Variants in PATJ observed in about 807,000 individuals in gnomAD.
PATJ encodes the protein inaD-like protein.
Under a neutral mutation model 224.9 loss-of-function variants are expected in PATJ, and 190 were observed. That is an observed-to-expected ratio of 0.84 (90% confidence interval 0.75 to 0.95). The LOEUF is 0.95. Ranked by LOEUF, PATJ falls within the 40% of genes least tolerant of loss-of-function variation. The pLI is 0.00. For synonymous variants in PATJ, 769 were observed against 820.3 expected (o/e 0.94, Z 1.07); for missense variants, 2,121 against 2,270.3 (o/e 0.93, Z 1.34).
At chr1:61,950,316 G>A (rs1679459190) in intron 27 of PATJ, among the ~76,000 whole-genome samples, 1 of 152,180 alleles carries the variant, frequency 6.6e-6, no homozygotes, top group African/African-American at 2.4e-5. Flanking sequence ...TTTACGTTGA[G>A]GAGGCTGAGA....
At chr1:62,112,795 A>G (rs986078057) in intron 34 of PATJ, among the ~76,000 whole-genome samples, 2 of 152,148 alleles carry the variant, frequency 1.3e-5, no homozygotes, top group Non-Finnish European at 2.9e-5. Flanking sequence ...CTCATATCAA[A>G]TTTACTAACC....
chr1:61,780,547 A>G (rs1647193560), intron 7 of PATJ, among the ~76,000 whole-genome samples: 1 of 152,186 alleles, frequency 6.6e-6, no homozygotes, highest in African/African-American at 2.4e-5. Flanking sequence ...AATTTTTATA[A>G]CCTGGAAATA....
At chr1:62,038,518 C>T in intron 30 of PATJ, 1 of 159,964 alleles carries the variant, frequency 6.3e-6, no homozygotes. Context: ...CAGTTTGTGT[C>T]CCCAGCTGAG....
chr1:62,127,847 A>T (rs1665884365), intron 39 of PATJ, 125 bp from the exon 40 acceptor site: 2 of 848,714 alleles, frequency 2.4e-6, no homozygotes, highest in Admixed American at 2.7e-5. Context: ...TCCACATTTA[A>T]CTCCTATGTT....
intron 27 of PATJ, among the ~76,000 whole-genome samples, chr1:61,966,189 C>T (rs558358602): frequency 8.2e-4 from 125 of 152,246 alleles, no homozygotes; most frequent in Middle Eastern, 3.4e-3. Flanking sequence ...CGTGAGCCAC[C>T]GCACCTGGTC....
At chr1:61,997,995 TATA>T (rs1254918671) in intron 28 of PATJ, among the ~76,000 whole-genome samples, 1 of 110,512 alleles carries the variant, frequency 9.0e-6, no homozygotes, top group Non-Finnish European at 1.8e-5. Flanking sequence ...TATATGTATA[TATA>T]ATATATTATA....
At chr1:61,781,133 T>TTTG (rs1647252502) in intron 7 of PATJ, among the ~76,000 whole-genome samples, 1 of 152,212 alleles carries the variant, frequency 6.6e-6, no homozygotes, top group Non-Finnish European at 1.5e-5. Context: ...ATTGAGCCCG[T>TTTG]ACCTGTTTGA....
At chr1:61,860,659 C>G (rs1664398325) in intron 18 of PATJ, among the ~76,000 whole-genome samples, 1 of 152,052 alleles carries the variant, frequency 6.6e-6, no homozygotes. Flanking sequence ...AACCTCGTCT[C>G]TACTAAAAAT....
intron 21 of PATJ, among the ~76,000 whole-genome samples, chr1:61,875,967 T>C (rs1048284595): frequency 1.3e-5 from 2 of 152,180 alleles, no homozygotes; most frequent in African/African-American, 4.8e-5. Context: ...ATTATAAAAT[T>C]GACATCCCTA....
chr1:61,785,119 T>G (rs1375505204), intron 7 of PATJ, among the ~76,000 whole-genome samples: 1 of 152,216 alleles, frequency 6.6e-6, no homozygotes, highest in Middle Eastern at 3.2e-3. Flanking sequence ...TTTAAAAAAC[T>G]TCTTCCTTCA....
intron 40 of PATJ, chr1:62,128,531 C>T (rs182831789): frequency 7.9e-5 from 25 of 316,866 alleles, no homozygotes; most frequent in Non-Finnish European, 8.2e-5. Flanking sequence ...CTTTATTGAA[C>T]GGTTGATGTG....
At position 61,798,374 on chromosome 1, in the gene PATJ, T is replaced by C. The variant is rs570717236; in HGVS notation, c.1402+946T>C. 1.2e-4 allele frequency among the ~76,000 whole-genome samples: 19 copies of C among 152,032 alleles called. No individual in the cohort carries two copies. The East Asian group carries it at 3.7e-3, about 30-fold the overall frequency. ...ATACCCAGATAATTTATTTTTATTTTTTTTGTAGAGATGGGGTCTCTCCTG... is the reference window on the plus strand; with the variant it reads ...ATACCCAGATAATTTATTTTTATTTCTTTTGTAGAGATGGGGTCTCTCCTG... On this transcript the variant is annotated intron_variant, in intron 11 of 43. Transcript: ENST00000642238.
Position 62,086,686 on chromosome 1 carries a change from C to T in PATJ, c.4377+2038C>T, listed in dbSNP as rs1295141885. Among the ~76,000 whole-genome samples, 2 of 152,130 alleles carry T rather than the reference C, an allele frequency of 1.3e-5. No homozygotes were observed. Among genetic ancestry groups the T allele is most frequent in the Non-Finnish European group, 2.9e-5 (2 of 68,024 alleles). On this transcript the variant is annotated intron_variant, in intron 33 of 43. Transcript: ENST00000642238. The surrounding 1 kb of genome is among the most constrained non-coding windows in gnomAD (Gnocchi z 4.0). Reference sequence around the variant, plus strand: ...ATTAGTTCCCTAAAGCACTAGGAAACTCAAGAACAGCATAGGCGATAGAAA... The same window carrying T: ...ATTAGTTCCCTAAAGCACTAGGAAATTCAAGAACAGCATAGGCGATAGAAA...
At chr1:62,028,782 TA>T (rs987942699) in intron 29 of PATJ, among the ~76,000 whole-genome samples, 97 of 150,856 alleles carry the variant, frequency 6.4e-4, no homozygotes, top group African/African-American at 2.3e-3. Context: ...AGACTGTGTT[TA>T]AAAAAAAAGA....
rs766580976 is a variant in PATJ, at chr1:62,114,183, T to C, written c.4592T>C (p.Ile1531Thr). ...TACCGGGATGAGGAGAACTTGGAGA[T>C]TTTCCCTGTGGATCTGCAGAAGAAA... ...AHYRDEENLE[I>T]FPVDLQKKAG... Residue 1531 changes from isoleucine (I) to threonine (T), a missense_variant, in exon 35 of 44, where the codon ATT (isoleucine) becomes ACT (threonine). Ile to Thr is a moderately conservative substitution (Grantham distance 89, BLOSUM62 -1). Transcript: ENST00000642238. The C allele has an allele frequency of 1.9e-6, 3 of 1,613,896 alleles. No homozygotes were observed. Among genetic ancestry groups the C allele is most frequent in the South Asian group, 1.1e-5 (1 of 91,046 alleles).
At chr1:61,819,602 G>A (rs192772367) in intron 14 of PATJ, among the ~76,000 whole-genome samples, 14 of 152,240 alleles carry the variant, frequency 9.2e-5, no homozygotes, top group African/African-American at 3.1e-4. Flanking sequence ...AGCAGCGTGG[G>A]GCGGCAGGCG....
At chr1:61,835,401 T>C (rs1445949167) in intron 17 of PATJ, among the ~76,000 whole-genome samples, 1 of 152,070 alleles carries the variant, frequency 6.6e-6, no homozygotes, top group African/African-American at 2.4e-5. Context: ...TTTGTTTGTT[T>C]GTTTGTTTGT....
intron 26 of PATJ, among the ~76,000 whole-genome samples, chr1:61,926,980 A>G (rs1675303967): frequency 6.6e-6 from 1 of 152,108 alleles, no homozygotes. Flanking sequence ...TAGCAGCTTG[A>G]GTCTCACCGT....
chr1:62,013,456 G>A, intron 28 of PATJ: 1 of 985,324 alleles, frequency 1.0e-6, no homozygotes. Flanking sequence ...CTATGCACAA[G>A]CTATGCATGA....
Sources: allele counts gnomAD v4.1 joint callset (sites outside exome capture counted in the v4.1 genomes callset), GRCh38; gene constraint gnomAD v4.1.1; non-coding constraint Gnocchi (gnomAD v3.1); transcripts MANE v1.5; gene names NCBI Gene and HGNC (gene_info 2026-07-23, HGNC 2026-07-21).